The following NLRP12 variants were observed in gnomAD, a reference collection of about 807,000 sequenced individuals.
The protein encoded by NLRP12 is NLR family pyrin domain containing 12, also known as NACHT, LRR and PYD domains-containing protein 12.
Under a neutral mutation model 91.2 loss-of-function variants are expected in NLRP12, and 108 were observed. The ratio of observed to expected loss-of-function variants is 1.18; its 90% CI spans 1.01 to 1.39. NLRP12 has a LOEUF of 1.39. Ranked by LOEUF, NLRP12 falls within the 40% of genes most tolerant of loss-of-function variation. The pLI, the probability that NLRP12 is intolerant of heterozygous loss-of-function variation, is 0.00. For missense variants in NLRP12, 1,530 were observed against 1,352.7 expected (o/e 1.13, Z -2.06); for synonymous variants, 613 against 566.7 (o/e 1.08, Z -1.16).
At chr19:53,800,166 A>G (rs1053753602) in intron 7 of NLRP12, among the ~76,000 whole-genome samples, 2 of 152,030 alleles carry the variant, frequency 1.3e-5, no homozygotes, top group African/African-American at 4.8e-5. Context: ...TTAGCCGGGC[A>G]TGGTGGCGGG....
chr19:53,823,489 A>AATAT (rs1280931160), intron 1 of NLRP12, among the ~76,000 whole-genome samples: 348 of 78,664 alleles, frequency 4.4e-3, no homozygotes, highest in Admixed American at 6.8e-3. Context: ...TATATTTTAA[A>AATAT]ATATATTTAT....
intron 8 of NLRP12, 45 bp from the exon 9 acceptor site, chr19:53,796,074 T>TA (rs753123060): frequency 3.8e-6 from 6 of 1,587,172 alleles, no homozygotes; most frequent in Non-Finnish European, 5.2e-6. Flanking sequence ...AGGGGCTACT[T>TA]ATGTTATTCG....
chr19:53,809,627 C>T lies in NLRP12; in HGVS notation c.2032G>A (p.Ala678Thr), dbSNP rs1204554159. Reference sequence around the variant, plus strand: ...GTGTGCGCTCCTGCGGAGCACCTCGCGCGGTCTTCCCCGTCCGCGCTGTAG... The same window carrying T: ...GTGTGCGCTCCTGCGGAGCACCTCGTGCGGTCTTCCCCGTCCGCGCTGTAG... ...ATYSADGEDR[A>T]RCSAGAHTLL... The change falls in exon 3 of 10, where the codon GCG becomes ACG. Residue 678 changes from alanine (A) to threonine (T), a missense_variant. Coordinates refer to ENST00000324134, the MANE Select transcript of NLRP12 (RefSeq NM_144687.4). The T allele has an allele frequency of 6.2e-7, 1 of 1,613,624 alleles. No individual in the cohort carries two copies. The highest frequency in any genetic ancestry group is 8.5e-7 in the Non-Finnish European group (1 of 1,179,976).
Position 53,810,425 on chromosome 19 carries a change from TACAC to T in NLRP12, c.1230_1233del (p.Cys411ProfsTer13), listed in dbSNP as rs1323605930. The T allele has an allele frequency of 6.2e-7, 1 of 1,613,616 alleles. No individual in the cohort carries two copies. The highest frequency in any genetic ancestry group is 1.7e-5 in the Admixed American group (1 of 59,974). ...CCCTCCAGCTGCTGCTGGAGGCAGG[TACAC>T]ACCACCCAGCACACCAGGGGGACGA... On this transcript the variant is annotated frameshift_variant, in exon 3 of 10. Transcript: ENST00000324134. LOFTEE classifies it high-confidence loss of function.
rs1314014988 is a variant in NLRP12 at position 53,823,469 on chromosome 19, A to AT, written c.289+416dup. Among the ~76,000 whole-genome samples, 129 of 106,594 alleles carry AT rather than the reference A, an allele frequency of 1.2e-3. 1 individual carries two copies. The highest frequency in any genetic ancestry group is 9.7e-3 in the Middle Eastern group (2 of 206). 69.9% of individuals were successfully genotyped at this position (106,594 alleles called of 152,430 possible). ...TTTTAAATATATATTTTAAATATAT[A>AT]TTTAAAATATATATTTTAAAATATA... On this transcript the variant is annotated intron_variant, in intron 1 of 9. Coordinates refer to ENST00000324134, the MANE Select transcript of NLRP12 (RefSeq NM_144687.4).
rs1487922086 is a variant in NLRP12 at position 53,819,655 on chromosome 19, A to ATGCG, written c.289+4230_289+4231insCGCA. ...TATATATGTATGTATACGTATATAT[A>ATGCG]TACACATGTATACATATATGTATGT... On this transcript the variant is annotated intron_variant, in intron 1 of 9. Transcript: ENST00000324134. Among the ~76,000 whole-genome samples the ATGCG allele has an allele frequency of 1.3e-3, 108 of 81,274 alleles. 19 individuals carry two copies. The highest frequency in any genetic ancestry group is 1.7e-3 in the Non-Finnish European group (68 of 39,862). 53.3% of individuals were successfully genotyped at this position (81,274 alleles called of 152,430 possible). A position where few individuals can be genotyped will look rare whatever the true frequency, so the allele number is the denominator to read the frequency against.
rs2092068939 is a variant in NLRP12, at chr19:53,811,196, G to A, written c.463C>T (p.His155Tyr). 6.2e-7 allele frequency: 1 copy of A among 1,614,032 alleles called. No homozygotes were observed. Among genetic ancestry groups the A allele is most frequent in the Admixed American group, 1.7e-5 (1 of 59,992 alleles). ...ARLGECVNLS[H>Y]RYTRLLLVKE... ...ACCAGCAGGAGCCGGGTGTACCGGT[G>A]GCTGAGGTTGACACATTCCCCTAGG... Residue 155 changes from histidine (H) to tyrosine (Y), a missense_variant, in exon 3 of 10, where the codon CAC becomes TAC. By Grantham distance (83) the His-to-Tyr change is moderately conservative. Transcript: ENST00000324134.
chr19:53,818,086 A>T (rs1376680351), intron 1 of NLRP12, among the ~76,000 whole-genome samples: 4 of 144,428 alleles, frequency 2.8e-5, no homozygotes, highest in Non-Finnish European at 1.5e-5. Context: ...CTGGTTGGCA[A>T]TTTTTTTTTT....
At chr19:53,809,501 A>C in intron 3 of NLRP12, 86 bp downstream of exon 3, 7 of 1,329,898 alleles carry the variant, frequency 5.3e-6, no homozygotes, top group African/African-American at 3.4e-5. Flanking sequence ...AGTGTACTCC[A>C]GCCTAGGCAA....
chr19:53,804,885 C>G (rs971933772), intron 5 of NLRP12, among the ~76,000 whole-genome samples: 2 of 151,926 alleles, frequency 1.3e-5, no homozygotes, highest in Non-Finnish European at 2.9e-5. Flanking sequence ...AAAAAGTTAG[C>G]TGGGTGTGGT....
At chr19:53,812,621 G>A (rs772637612) in intron 2 of NLRP12, among the ~76,000 whole-genome samples, 10 of 152,094 alleles carry the variant, frequency 6.6e-5, no homozygotes, top group African/African-American at 9.6e-5. Flanking sequence ...CTCTGGCCCC[G>A]AAATGCCAAC....
chr19:53,805,525 T>C, intron 4 of NLRP12, 75 bp from the exon 5 acceptor site: 1 of 1,533,508 alleles, frequency 6.5e-7, no homozygotes, highest in Non-Finnish European at 8.8e-7. Flanking sequence ...CTTTTGCTTT[T>C]TTTTTTTTTT....
At position 53,809,910 on chromosome 19, in the gene NLRP12, G is replaced by T; in HGVS notation, c.1749C>A (p.Val583=). The change falls in exon 3 of 10, where the codon GTC becomes GTA. Residue 583 remains valine (V), a synonymous_variant. Coordinates refer to ENST00000324134, the MANE Select transcript of NLRP12 (RefSeq NM_144687.4). ...SHLEKSLCWK[V]SPHIKMDLLQ... is the part of the protein sequence containing the mutation. ...ACAGGTCCATCTTGATGTGCGGCGA[G>T]ACCTTCCAGCAGAGACTCTTCTCCA... is the stretch of plus-strand genomic sequence containing the variant. The T allele has an allele frequency of 6.2e-7, 1 of 1,614,048 alleles. No homozygotes were observed. The highest frequency in any genetic ancestry group is 8.5e-7 in the Non-Finnish European group (1 of 1,180,038).
chr19:53,795,099 GGTGTGTGCGTGTGTGT>G (rs1421444950), intron 9 of NLRP12, among the ~76,000 whole-genome samples: 3 of 133,512 alleles, frequency 2.2e-5, no homozygotes, highest in South Asian at 5.6e-4. Context: ...CACCATACCT[GGTGTGTGCGTGTGTGT>G]GTGTGTGTGT....
In NLRP12 at chr19:53,810,518, C is replaced by T; in HGVS notation, c.1141G>A (p.Ala381Thr). 1 of 1,614,144 alleles carries T rather than the reference C, an allele frequency of 6.2e-7. No homozygotes were observed. The highest frequency in any genetic ancestry group is 2.2e-5 in the East Asian group (1 of 44,874). ...KEYFYKYFHN[A>T]EQAGQVFNYV... Reference sequence around the variant, plus strand: ...TTGAAGACTTGGCCCGCCTGCTCTGCATTGTGGAAATACTTGTAGAAGTAT... The same window carrying T: ...TTGAAGACTTGGCCCGCCTGCTCTGTATTGTGGAAATACTTGTAGAAGTAT... Residue 381 changes from alanine (A) to threonine (T), a missense_variant, in exon 3 of 10, where the codon GCA (alanine) becomes ACA (threonine). Physicochemically the swap from Ala to Thr is moderately conservative, Grantham distance 58. Transcript: ENST00000324134.
Position 53,803,939 on chromosome 19 carries a change from A to T in NLRP12, c.2585+13T>A. 2 of 1,613,090 alleles carry T rather than the reference A, an allele frequency of 1.2e-6. No homozygotes were observed. The highest frequency in any genetic ancestry group is 8.5e-7 in the Non-Finnish European group (1 of 1,179,102). On this transcript the variant is annotated intron_variant, in intron 6 of 9. Coordinates refer to ENST00000324134, the MANE Select transcript of NLRP12 (RefSeq NM_144687.4). ...TTGCCATTTTATTATAGTTGACCCC[A>T]GGAAGAACTCACCACAAAGTCCGTA...
In NLRP12 at chr19:53,814,836, G is replaced by C. The variant is rs1006999298; in HGVS notation, c.370+72C>G. 6.6e-6 allele frequency: 8 copies of C among 1,218,252 alleles called. 1 individual carries two copies. The highest frequency in any genetic ancestry group is 8.5e-6 in the Non-Finnish European group (7 of 818,800). 75.5% of individuals were successfully genotyped at this position (1,218,252 alleles called of 1,614,324 possible). A position where few individuals can be genotyped will look rare whatever the true frequency, so the allele number is the denominator to read the frequency against. On this transcript the variant is annotated intron_variant, in intron 2 of 9. Transcript: ENST00000324134. ...CGAATTCCTCAATCACGCGTTTGTG[G>C]TTGGCCTACACTCCGTGGGGTCAGC... is the stretch of plus-strand genomic sequence containing the variant.
At chr19:53,817,478 G>A (rs1049116116) in intron 1 of NLRP12, among the ~76,000 whole-genome samples, 1 of 151,830 alleles carries the variant, frequency 6.6e-6, no homozygotes, top group African/African-American at 2.4e-5. Context: ...GCTCATGCCT[G>A]TAATCCCTGC....
Position 53,819,429 on chromosome 19 carries a change from A to G in NLRP12, c.290-4441T>C, listed in dbSNP as rs1200128254. ...CTGGCTAATATATATATATATATAT[A>G]TATATATATATATATATATATATAT... On this transcript the variant is annotated intron_variant, in intron 1 of 9. Coordinates refer to ENST00000324134, the MANE Select transcript of NLRP12 (RefSeq NM_144687.4). Among the ~76,000 whole-genome samples, 9 of 20,966 alleles carry G rather than the reference A, an allele frequency of 4.3e-4. 1 individual carries two copies. The highest frequency in any genetic ancestry group is 1.4e-3 in the African/African-American group (9 of 6,266). The allele number at this position is 20,966 out of a possible 152,430, so 13.8% of individuals were successfully genotyped here.
Sources: allele counts gnomAD v4.1 joint callset (sites outside exome capture counted in the v4.1 genomes callset), GRCh38; gene constraint gnomAD v4.1.1; transcripts MANE v1.5; gene names NCBI Gene and HGNC (gene_info 2026-07-23, HGNC 2026-07-21).